The following AKAP13 variants were observed in gnomAD, a reference collection of about 807,000 sequenced individuals.
AKAP13 encodes A-kinase anchor protein 13.
In AKAP13, 80 loss-of-function variants were observed where a neutral mutation model predicts 264.5. The observed-to-expected ratio is 0.30, with a 90% CI of 0.25 to 0.36. The LOEUF (loss-of-function observed/expected upper bound fraction) is 0.36. Among genes scored for constraint, AKAP13 ranks in the 10% least tolerant of loss-of-function variants. The probability of loss-of-function intolerance (pLI) is 1.00; values close to 1 mark genes in which losing one functional copy is unlikely to be tolerated. For missense variants in AKAP13, 3,712 were observed against 3,435.2 expected, an observed-to-expected ratio of 1.08 and a Z score of -2.01; for synonymous variants, 1,380 against 1,250.2, an observed-to-expected ratio of 1.10 and a Z score of -2.19.
intron 16 of AKAP13, chr15:85,685,510 G>A (rs2084859358): frequency 6.6e-6 from 1 of 150,926 alleles, no homozygotes; most frequent in African/African-American, 2.4e-5. Flanking sequence ...GTGTGTGTAA[G>A]GCTCCACTGT....
intron 1 of AKAP13, among the ~76,000 whole-genome samples, chr15:85,482,984 T>C (rs2075395642): frequency 6.6e-6 from 1 of 152,220 alleles, no homozygotes; most frequent in African/African-American, 2.4e-5. Flanking sequence ...GTCATCCCTC[T>C]TTTAATCCTT....
chr15:85,471,702 A>C (rs1668653052), intron 1 of AKAP13, among the ~76,000 whole-genome samples: 1 of 152,230 alleles, frequency 6.6e-6, no homozygotes, highest in Non-Finnish European at 1.5e-5. Flanking sequence ...GGGTCCAGGC[A>C]AGCACTGGTT....
rs1567207561 is a variant in AKAP13, at chr15:85,710,470, G to T, written c.5533-109G>T. ...TGGGACACAGGGTGCTTAGGGCAGT[G>T]CAAAAAGCAGAGTGGGAAAGGAAGC... On this transcript the variant is annotated intron_variant, in intron 18 of 36. Coordinates refer to ENST00000394518, the MANE Select transcript of AKAP13 (RefSeq NM_007200.5). 11 of 1,060,538 alleles carry T rather than the reference G, an allele frequency of 1.0e-5. No homozygotes were observed. In the East Asian group the frequency reaches 1.5e-4, roughly 15 times the overall value. 65.7% of individuals were successfully genotyped at this position (1,060,538 alleles called of 1,614,324 possible).
At chr15:85,542,202 G>A (rs1044143990) in intron 4 of AKAP13, among the ~76,000 whole-genome samples, 1 of 152,200 alleles carries the variant, frequency 6.6e-6, no homozygotes, top group African/African-American at 2.4e-5. Context: ...GCGCAGAGGT[G>A]TTGATTATTA....
At chr15:85,414,001 T>TC (rs1251963784) in intron 1 of AKAP13, among the ~76,000 whole-genome samples, 1 of 152,178 alleles carries the variant, frequency 6.6e-6, no homozygotes, top group Non-Finnish European at 1.5e-5. Flanking sequence ...CAACCTTTTT[T>TC]ACCACCTCAG....
At chr15:85,596,922 T>C (rs1355399662) in intron 8 of AKAP13, among the ~76,000 whole-genome samples, 4 of 152,162 alleles carry the variant, frequency 2.6e-5, no homozygotes, top group African/African-American at 4.8e-5. Context: ...GAACCCCTTC[T>C]CTGAGGCAGA....
At chr15:85,592,043 G>C (rs934289195) in intron 8 of AKAP13, among the ~76,000 whole-genome samples, 3 of 123,282 alleles carry the variant, frequency 2.4e-5, no homozygotes, top group African/African-American at 9.1e-5. Context: ...TCAGAACCAT[G>C]ATCTTTTTTT....
At chr15:85,649,719 A>G (rs2082718315) in intron 10 of AKAP13, among the ~76,000 whole-genome samples, 1 of 152,182 alleles carries the variant, frequency 6.6e-6, no homozygotes, top group African/African-American at 2.4e-5. Flanking sequence ...GTTTATTCTC[A>G]TGAATATGTG....
At chr15:85,537,522 C>CA (rs2077441225) in intron 4 of AKAP13, among the ~76,000 whole-genome samples, 1 of 152,334 alleles carries the variant, frequency 6.6e-6, no homozygotes, top group East Asian at 1.9e-4. Context: ...GGAAATTGCT[C>CA]AGATTTCTCC....
intron 7 of AKAP13, among the ~76,000 whole-genome samples, chr15:85,582,346 T>C (rs2079161329): frequency 6.6e-6 from 1 of 152,130 alleles, no homozygotes; most frequent in Non-Finnish European, 1.5e-5. Context: ...AACACTCCTG[T>C]CTCATTCTGG....
At position 85,741,259 on chromosome 15, in the gene AKAP13, C is replaced by G; in HGVS notation, c.7822C>G (p.Arg2608Gly). The G allele has an allele frequency of 6.2e-7, 1 of 1,609,630 alleles. No homozygotes were observed. The highest frequency in any genetic ancestry group is 2.2e-5 in the East Asian group (1 of 44,652). ...KRRREREWEA[R>G]ERELREREAL... ...CAGGCGCGAGCGTGAGTGGGAAGCT[C>G]GTGAGAGGGAGCTGCGGGAGCGGGA... The change falls in exon 35 of 37, where the codon CGT becomes GGT. Residue 2608 changes from arginine to glycine, a missense_variant. Coordinates refer to ENST00000394518, the MANE Select transcript of AKAP13 (RefSeq NM_007200.5).
At chr15:85,613,691 A>AAAATATATATAT (rs1313187436) in intron 8 of AKAP13, among the ~76,000 whole-genome samples, 2 of 91,968 alleles carry the variant, frequency 2.2e-5, no homozygotes, top group Admixed American at 1.0e-4. Context: ...AAAAAAAAAA[A>AAAATATATATAT]ATATATATAT....
At chr15:85,411,850 G>A (rs772702487) in intron 1 of AKAP13, among the ~76,000 whole-genome samples, 4 of 152,186 alleles carry the variant, frequency 2.6e-5, no homozygotes, top group Non-Finnish European at 4.4e-5. Flanking sequence ...AATAAAGCAA[G>A]CCTTTACTTC....
chr15:85,494,423 A>G (rs535348781), intron 2 of AKAP13, among the ~76,000 whole-genome samples: 1 of 152,302 alleles, frequency 6.6e-6, no homozygotes, highest in African/African-American at 2.4e-5. Context: ...GCAAGGTACA[A>G]GGAAATAATA....
chr15:85,520,003 T>C (rs553425180), intron 2 of AKAP13, among the ~76,000 whole-genome samples: 17 of 152,338 alleles, frequency 1.1e-4, no homozygotes, highest in African/African-American at 4.1e-4. Flanking sequence ...TTGATTTTTC[T>C]ATAGTGCATT....
At chr15:85,442,468 A>T (rs1428013092) in intron 1 of AKAP13, among the ~76,000 whole-genome samples, 4 of 127,222 alleles carry the variant, frequency 3.1e-5, no homozygotes, top group Non-Finnish European at 4.9e-5. Context: ...AATATACATA[A>T]TATATATTAT....
chr15:85,709,867 T>C (rs929781861), intron 18 of AKAP13, among the ~76,000 whole-genome samples: 21 of 151,916 alleles, frequency 1.4e-4, no homozygotes, highest in Non-Finnish European at 4.4e-5. Context: ...TTTATATTTT[T>C]AGTTGAGACA....
At chr15:85,422,181 A>G (rs1321580219) in intron 1 of AKAP13, among the ~76,000 whole-genome samples, 3 of 152,200 alleles carry the variant, frequency 2.0e-5, no homozygotes, top group Non-Finnish European at 4.4e-5. Flanking sequence ...TAGAGAGCTT[A>G]TATGTTGGTA....
chr15:85,729,134 A>G (rs2087804090), intron 29 of AKAP13, among the ~76,000 whole-genome samples: 1 of 152,044 alleles, frequency 6.6e-6, no homozygotes, highest in Non-Finnish European at 1.5e-5. Flanking sequence ...CCCCATCTCT[A>G]CTAAAAATAC....
Sources: allele counts gnomAD v4.1 joint callset (sites outside exome capture counted in the v4.1 genomes callset), GRCh38; gene constraint gnomAD v4.1.1; transcripts MANE v1.5; gene names NCBI Gene and HGNC (gene_info 2026-07-23, HGNC 2026-07-21).